Variants in FREM1 observed in about 807,000 individuals in gnomAD.
FREM1 encodes FRAS1 related extracellular matrix 1, also known as FRAS1-related extracellular matrix protein 1.
FREM1 carries 220 observed loss-of-function variants against 210.1 expected under a neutral mutation model. That is an observed-to-expected ratio of 1.05 (90% CI 0.94 to 1.17). The LOEUF is 1.17. Among genes scored for constraint, FREM1 ranks in the 50% most tolerant of loss-of-function variants. The pLI is 0.00. For synonymous variants in FREM1, 1,189 were observed against 980.2 expected, an observed-to-expected ratio of 1.21 and a Z score of -3.98; for missense variants, 3,454 against 2,675.5, an observed-to-expected ratio of 1.29 and a Z score of -6.42.
intron 1 of FREM1, among the ~76,000 whole-genome samples, chr9:14,874,239 G>A (rs1193913801): frequency 1.3e-5 from 2 of 151,958 alleles, no homozygotes; most frequent in African/African-American, 4.8e-5. Flanking sequence ...CTTTTGTCTC[G>A]TTGATCTGTC....
intron 29 of FREM1, among the ~76,000 whole-genome samples, 190 bp from the exon 30 acceptor site, chr9:14,750,466 G>A (rs906080978): frequency 9.2e-5 from 14 of 152,140 alleles, no homozygotes; most frequent in African/African-American, 2.4e-4. Context: ...GTTCCTGGAC[G>A]ATGATGTTTC....
intron 2 of FREM1, among the ~76,000 whole-genome samples, chr9:14,864,987 G>C (rs1270477602): frequency 6.6e-6 from 1 of 152,098 alleles, no homozygotes; most frequent in Non-Finnish European, 1.5e-5. Flanking sequence ...TCTGTTTTAT[G>C]TTTCATAATA....
chr9:14,874,947 G>A (rs1833410142), intron 1 of FREM1, among the ~76,000 whole-genome samples: 1 of 152,176 alleles, frequency 6.6e-6, no homozygotes, highest in Non-Finnish European at 1.5e-5. Context: ...GGCTGGATAT[G>A]AAATTCTGGG....
At chr9:14,883,189 G>A (rs919572710) in intron 1 of FREM1, among the ~76,000 whole-genome samples, 1 of 152,148 alleles carries the variant, frequency 6.6e-6, no homozygotes, top group African/African-American at 2.4e-5. Flanking sequence ...CTTTCTCATA[G>A]TCTTACAACA....
chr9:14,794,088 A>G (rs1851905894), intron 21 of FREM1, among the ~76,000 whole-genome samples: 1 of 152,208 alleles, frequency 6.6e-6, no homozygotes, highest in Non-Finnish European at 1.5e-5. Flanking sequence ...AATGTTTGCA[A>G]TTCAGTGTCA....
chr9:14,744,453 G>A (rs891619476), intron 35 of FREM1, among the ~76,000 whole-genome samples: 1 of 151,908 alleles, frequency 6.6e-6, no homozygotes, highest in African/African-American at 2.4e-5. Context: ...TAACAACATA[G>A]ATTATATTAT....
At chr9:14,870,876 T>C (rs1476915636) in intron 1 of FREM1, among the ~76,000 whole-genome samples, 85 of 141,400 alleles carry the variant, frequency 6.0e-4, no homozygotes, top group African/African-American at 1.3e-3. Flanking sequence ...CATTGTTCAA[T>C]TCCCACCTAT....
chr9:14,819,529 G>C, intron 13 of FREM1, 87 bp from the exon 14 acceptor site: 1 of 712,706 alleles, frequency 1.4e-6, no homozygotes, highest in Non-Finnish European at 2.3e-6. Flanking sequence ...AAAACTTCCA[G>C]TATTATCTTC....
chr9:14,868,705 A>G, intron 2 of FREM1, 39 bp downstream of exon 2: 1 of 1,307,966 alleles, frequency 7.6e-7, no homozygotes, highest in African/African-American at 1.4e-5. Context: ...ACTTGCATTC[A>G]TACACACGAC....
chr9:14,885,320 C>T (rs1349559621), intron 1 of FREM1, among the ~76,000 whole-genome samples: 1 of 152,144 alleles, frequency 6.6e-6, no homozygotes, highest in Non-Finnish European at 1.5e-5. Flanking sequence ...CTTCCCCAGG[C>T]TTGCAGTTAT....
intron 19 of FREM1, among the ~76,000 whole-genome samples, chr9:14,802,460 A>G (rs1817470399): frequency 6.6e-6 from 1 of 152,216 alleles, no homozygotes; most frequent in Non-Finnish European, 1.5e-5. Context: ...TATTTTCATA[A>G]TGGGTCCCTC....
intron 23 of FREM1, among the ~76,000 whole-genome samples, chr9:14,786,863 A>G (rs1242070379): frequency 6.6e-6 from 1 of 152,190 alleles, no homozygotes; most frequent in Non-Finnish European, 1.5e-5. Context: ...TCAAGGAAGT[A>G]AGAAGAATGA....
rs752722576 is a variant in FREM1, at chr9:14,842,661, CT to C, written c.1394-2del. ...ACGGTGAAGAGAAACCCTTTCCCCC[CT>C]GAGGGAGAGAGCAGAGATGGAGCAG... On this transcript the variant is annotated splice_acceptor_variant, in intron 8 of 36. Coordinates refer to ENST00000380880, the MANE Select transcript of FREM1 (RefSeq NM_001379081.2). LOFTEE classifies it high-confidence loss of function. The C allele has an allele frequency of 6.2e-7, 1 of 1,610,250 alleles. No homozygotes were observed. The highest frequency in any genetic ancestry group is 1.1e-5 in the South Asian group (1 of 90,800).
At chr9:14,846,792 C>A (rs1826703706) in intron 7 of FREM1, among the ~76,000 whole-genome samples, 1 of 152,178 alleles carries the variant, frequency 6.6e-6, no homozygotes, top group African/African-American at 2.4e-5. Flanking sequence ...CTGGACTTAT[C>A]TTATGCTTCT....
At chr9:14,830,662 G>A (rs548155118) in intron 10 of FREM1, among the ~76,000 whole-genome samples, 2 of 152,184 alleles carry the variant, frequency 1.3e-5, no homozygotes, top group Admixed American at 6.5e-5. Context: ...TTTCTGTATG[G>A]GGGAGCTTCT....
chr9:14,879,247 C>A (rs576339269), intron 1 of FREM1, among the ~76,000 whole-genome samples: 1 of 151,618 alleles, frequency 6.6e-6, no homozygotes, highest in Non-Finnish European at 1.5e-5. Context: ...GAGAATCTGT[C>A]ACAAAAAGGC....
At chr9:14,744,748 T>C (rs1842121263) in intron 35 of FREM1, among the ~76,000 whole-genome samples, 1 of 152,234 alleles carries the variant, frequency 6.6e-6, no homozygotes, top group African/African-American at 2.4e-5. Flanking sequence ...TTATTTCTTT[T>C]AGTTAAATAC....
intron 1 of FREM1, among the ~76,000 whole-genome samples, chr9:14,875,721 A>T (rs1398731522): frequency 6.6e-6 from 1 of 152,092 alleles, no homozygotes; most frequent in Middle Eastern, 3.2e-3. Flanking sequence ...CTGGTGAGGA[A>T]CTGCATTCCT....
chr9:14,873,361 T>C (rs528530095), intron 1 of FREM1, among the ~76,000 whole-genome samples: 1 of 152,338 alleles, frequency 6.6e-6, no homozygotes, highest in African/African-American at 2.4e-5. Context: ...GTTATTGGTC[T>C]ATTCAGAGAT....
Sources: allele counts gnomAD v4.1 joint callset (sites outside exome capture counted in the v4.1 genomes callset), GRCh38; gene constraint gnomAD v4.1.1; transcripts MANE v1.5; gene names NCBI Gene and HGNC (gene_info 2026-07-23, HGNC 2026-07-21).